The following PISD variants were observed in gnomAD, a reference collection of about 807,000 sequenced individuals.
PISD encodes the protein phosphatidylserine decarboxylase proenzyme, mitochondrial.
Under a neutral mutation model 43.5 loss-of-function variants are expected in PISD, and 31 were observed. The observed-to-expected ratio is 0.71, with a 90% CI of 0.54 to 0.96. The LOEUF (loss-of-function observed/expected upper bound fraction) is 0.96, where lower values mean the gene tolerates loss of function less well. Ranked by LOEUF, PISD falls within the 40% of genes least tolerant of loss-of-function variation. The pLI is 0.00. For missense variants in PISD, 523 were observed against 548.4 expected (o/e 0.95, Z 0.46); for synonymous variants, 259 against 228.7 (o/e 1.13, Z -1.20).
In PISD at chr22:31,630,237, G is replaced by A. The variant is rs1162213445; in HGVS notation, c.322-8352C>T. On this transcript the variant is annotated intron_variant, in intron 3 of 7. Coordinates refer to ENST00000439502, the MANE Select transcript of PISD (RefSeq NM_001326411.2). The surrounding 1 kb of genome is among the most constrained non-coding windows in gnomAD (Gnocchi z 4.4). ...GGACTCGCAGGGGTCTATCCTAGCC[G>A]CCCAAAGACAGGGAACCTCCTCTCA... 1.3e-5 allele frequency among the ~76,000 whole-genome samples: 2 copies of A among 152,194 alleles called. No individual in the cohort carries two copies. Among genetic ancestry groups the A allele is most frequent in the East Asian group, 3.9e-4 (2 of 5,156 alleles).
At chr22:31,655,568 C>T (rs901158220) in intron 1 of PISD, among the ~76,000 whole-genome samples, 10 of 152,232 alleles carry the variant, frequency 6.6e-5, no homozygotes, top group Admixed American at 5.9e-4. Flanking sequence ...ATCCTCCCAC[C>T]TCAGCCTCCC....
At chr22:31,626,649 C>T (rs1037379507) in intron 3 of PISD, among the ~76,000 whole-genome samples, 15 of 152,240 alleles carry the variant, frequency 9.9e-5, no homozygotes, top group Non-Finnish European at 1.8e-4. Flanking sequence ...AAACCAGTTC[C>T]ACTCCCCTTT....
At chr22:31,619,872 C>G (rs768123953) in intron 7 of PISD, 36 bp from the exon 8 acceptor site, 5 of 1,405,386 alleles carry the variant, frequency 3.6e-6, no homozygotes, top group Admixed American at 3.6e-5. Flanking sequence ...GGGGCCCAGG[C>G]CACCAAGTGC....
chr22:31,637,164 A>AATATATATATATATATAT (rs61010566), intron 3 of PISD, among the ~76,000 whole-genome samples: 2 of 13,648 alleles, frequency 1.5e-4, no homozygotes, highest in African/African-American at 3.1e-4. Context: ...AAAAAAAAAA[A>AATATATATATATATATAT]ATATATATAT....
intron 3 of PISD, among the ~76,000 whole-genome samples, chr22:31,644,024 G>A (rs1431179382): frequency 6.6e-6 from 1 of 151,466 alleles, no homozygotes; most frequent in Non-Finnish European, 1.5e-5. Flanking sequence ...CTCCAGCCTG[G>A]GTGACAGGGC....
At chr22:31,639,719 T>A (rs2073633086) in intron 3 of PISD, among the ~76,000 whole-genome samples, 1 of 152,092 alleles carries the variant, frequency 6.6e-6, no homozygotes, top group Non-Finnish European at 1.5e-5. Flanking sequence ...GCAGGACATA[T>A]GACCACTGCA....
intron 1 of PISD, among the ~76,000 whole-genome samples, chr22:31,653,186 C>T (rs746872591): frequency 6.6e-6 from 1 of 151,978 alleles, no homozygotes; most frequent in Non-Finnish European, 1.5e-5. Context: ...CAGCTATTAA[C>T]ACAATGAAGG....
rs55946723 is a variant in PISD, at chr22:31,624,712, G to GACACACACAC, written c.322-2837_322-2828dup. ...CAAGCCCCTCCTTTCAGCAAAGGTG[G>GACACACACAC]ACACACACACACACACACACACACA... On this transcript the variant is annotated intron_variant, in intron 3 of 7. Coordinates refer to ENST00000439502, the MANE Select transcript of PISD (RefSeq NM_001326411.2). 1.8e-3 allele frequency among the ~76,000 whole-genome samples: 204 copies of GACACACACAC among 111,980 alleles called. 1 individual carries two copies. Among genetic ancestry groups the GACACACACAC allele is most frequent in the African/African-American group, 4.9e-3 (136 of 28,036 alleles). 73.5% of individuals were successfully genotyped at this position (111,980 alleles called of 152,430 possible). A position where few individuals can be genotyped will look rare whatever the true frequency, so the allele number is the denominator to read the frequency against.
Position 31,659,063 on chromosome 22 carries a change from A to G in PISD, c.65+3081T>C, listed in dbSNP as rs187497778. ...CAGATGGGTTTTTGCCATGTTGCCCAGGCTGGTCTTGAACTCCTGAGCTCA... is the reference window on the plus strand; with the variant it reads ...CAGATGGGTTTTTGCCATGTTGCCCGGGCTGGTCTTGAACTCCTGAGCTCA... On this transcript the variant is annotated intron_variant, in intron 1 of 7. Transcript: ENST00000439502. Among the ~76,000 whole-genome samples, 170 of 152,184 alleles carry G rather than the reference A, an allele frequency of 1.1e-3. 1 individual carries two copies. Among genetic ancestry groups the G allele is most frequent in the Middle Eastern group, 3.4e-3 (1 of 294 alleles).
chr22:31,640,880 G>GTTGTTTTTTTTTTT (rs1487978537), intron 3 of PISD, among the ~76,000 whole-genome samples: 1 of 24,596 alleles, frequency 4.1e-5, no homozygotes, highest in Non-Finnish European at 6.6e-5. Flanking sequence ...CACACCCGGT[G>GTTGTTTTTTTTTTT]TTTTTTTTTT....
chr22:31,644,755 G>C (rs1454785279), intron 3 of PISD, among the ~76,000 whole-genome samples: 1 of 152,158 alleles, frequency 6.6e-6, no homozygotes, highest in Non-Finnish European at 1.5e-5. Flanking sequence ...TCCAAAATCA[G>C]AGACTTTTTG....
chr22:31,619,735 C>T lies in PISD; in HGVS notation c.1107G>A (p.Glu369=), dbSNP rs2072378818. 1 of 1,614,154 alleles carries T rather than the reference C, an allele frequency of 6.2e-7. No homozygotes were observed. The highest frequency in any genetic ancestry group is 8.5e-7 in the Non-Finnish European group (1 of 1,179,968). ...NREGVPMRKG[E]HLGEFNLGST... ...AGCCCAGGTTGAACTCGCCCAGGTGCTCGCCCTTACGCATGGGGACGCCCT... is the reference window on the plus strand; with the variant it reads ...AGCCCAGGTTGAACTCGCCCAGGTGTTCGCCCTTACGCATGGGGACGCCCT... The change falls in exon 8 of 8, where the codon GAG becomes GAA. Residue 369 remains glutamate, a synonymous_variant. Transcript: ENST00000439502.
At chr22:31,640,151 A>G (rs1163755108) in intron 3 of PISD, among the ~76,000 whole-genome samples, 1 of 152,006 alleles carries the variant, frequency 6.6e-6, no homozygotes, top group Non-Finnish European at 1.5e-5. Flanking sequence ...CTGGGTCTTC[A>G]ACCTGAGCAG....
intron 3 of PISD, chr22:31,638,806 A>AT (rs567230651): frequency 4.6e-4 from 54 of 117,806 alleles, no homozygotes; most frequent in Non-Finnish European, 7.8e-4. Context: ...TTTCTTTTCC[A>AT]TTTTTTTTTT....
chr22:31,658,062 G>A lies in PISD; in HGVS notation c.65+4082C>T, dbSNP rs569143898. On this transcript the variant is annotated intron_variant, in intron 1 of 7. Coordinates refer to ENST00000439502, the MANE Select transcript of PISD (RefSeq NM_001326411.2). The stretch of plus-strand genomic sequence containing the variant: ...TACACAAAATGAATGGATTCTGCAT[G>A]TATTCAGTTATTTGTTTACTGTATG... Among the ~76,000 whole-genome samples, 15 of 152,302 alleles carry A rather than the reference G, an allele frequency of 9.8e-5. No individual in the cohort carries two copies. The South Asian group carries it at 2.5e-3, about 25-fold the overall frequency.
In PISD at chr22:31,619,385, T is replaced by C; in HGVS notation, c.*227A>G. On this transcript the variant is annotated 3_prime_UTR_variant, in exon 8 of 8. Coordinates refer to ENST00000439502, the MANE Select transcript of PISD (RefSeq NM_001326411.2). ...CATTCCAGCCTGCACTTTTTATTTG[T>C]AGGCAGAAGGAACGGGATAGGTTGA... 2 of 626,060 alleles carry C rather than the reference T, an allele frequency of 3.2e-6. No individual in the cohort carries two copies. The highest frequency in any genetic ancestry group is 5.9e-6 in the Non-Finnish European group (2 of 339,454). 38.8% of individuals were successfully genotyped at this position (626,060 alleles called of 1,614,324 possible).
In PISD at chr22:31,620,740, C is replaced by T. The variant is rs9621297; in HGVS notation, c.845-27G>A. On this transcript the variant is annotated intron_variant, in intron 6 of 7. Transcript: ENST00000439502. ...TGCAGAGGCAGGGAATGCCGCTACTCCCCGTCCAGAGCCCGGTGTGTCCAC... is the reference window on the plus strand; with the variant it reads ...TGCAGAGGCAGGGAATGCCGCTACTTCCCGTCCAGAGCCCGGTGTGTCCAC... 5,134 of 1,613,084 alleles carry T rather than the reference C, an allele frequency of 3.2e-3. 124 individuals are homozygous for T. In the African/African-American group the frequency reaches 0.053, roughly 17 times the overall value.
chr22:31,662,393 G>A, upstream of PISD: 1 of 623,030 alleles, frequency 1.6e-6, no homozygotes. Context: ...AGGGGAACTA[G>A]TGGAGCTGTA....
At chr22:31,658,988 G>A (rs1479498813) in intron 1 of PISD, among the ~76,000 whole-genome samples, 3 of 151,682 alleles carry the variant, frequency 2.0e-5, no homozygotes, top group Non-Finnish European at 4.4e-5. Context: ...CAGGTGGCTG[G>A]GACTACATGT....
Sources: allele counts gnomAD v4.1 joint callset (sites outside exome capture counted in the v4.1 genomes callset), GRCh38; gene constraint gnomAD v4.1.1; non-coding constraint Gnocchi (gnomAD v3.1); transcripts MANE v1.5; gene names NCBI Gene and HGNC (gene_info 2026-07-23, HGNC 2026-07-21).